KIAA1217: variants seen among roughly 807,000 people sequenced by gnomAD.
KIAA1217 encodes sickle tail protein homolog.
Under a neutral mutation model 163.9 loss-of-function variants are expected in KIAA1217, and 88 were observed. The observed-to-expected ratio is 0.54, with a 90% confidence interval of 0.45 to 0.64. The LOEUF (loss-of-function observed/expected upper bound fraction) is 0.64. Among genes scored for constraint, KIAA1217 ranks in the 30% least tolerant of loss-of-function variants. KIAA1217 has a pLI of 0.00. For missense variants in KIAA1217, 2,372 were observed against 2,475.0 expected, an observed-to-expected ratio of 0.96 and a Z score of 0.88; for synonymous variants, 903 against 923.1, an observed-to-expected ratio of 0.98 and a Z score of 0.39.
chr10:24,215,966 C>T (rs893252808), intron 1 of KIAA1217, among the ~76,000 whole-genome samples: 1 of 152,210 alleles, frequency 6.6e-6, no homozygotes, highest in South Asian at 2.1e-4. Flanking sequence ...GCCTTCTAGC[C>T]TTGCTAGTGG....
intron 2 of KIAA1217, among the ~76,000 whole-genome samples, chr10:24,378,978 C>T (rs1201460547): frequency 1.3e-4 from 20 of 152,144 alleles, no homozygotes; most frequent in Non-Finnish European, 2.9e-4. Context: ...GGATTATTAC[C>T]TTCTGCAATG....
At chr10:24,235,723 G>A (rs970297756) in intron 2 of KIAA1217, among the ~76,000 whole-genome samples, 4 of 152,038 alleles carry the variant, frequency 2.6e-5, no homozygotes, top group African/African-American at 7.2e-5. Flanking sequence ...GCTTCTCCAA[G>A]GCTGCTGCTG....
At chr10:24,156,562 A>T (rs912972186) in intron 2 of KIAA1217, among the ~76,000 whole-genome samples, 1 of 152,044 alleles carries the variant, frequency 6.6e-6, no homozygotes, top group Non-Finnish European at 1.5e-5. Context: ...AGGTAACAAG[A>T]CTCACCTGCC....
chr10:24,395,959 C>T (rs1403607127), intron 3 of KIAA1217, among the ~76,000 whole-genome samples: 1 of 152,188 alleles, frequency 6.6e-6, no homozygotes, highest in Admixed American at 6.5e-5. Flanking sequence ...CAGGCATGAA[C>T]CACCAAGCCC....
chr10:24,025,161 G>A (rs758965963), intron 2 of KIAA1217, among the ~76,000 whole-genome samples: 1 of 151,592 alleles, frequency 6.6e-6, no homozygotes, highest in South Asian at 2.1e-4. Flanking sequence ...TTACATTTAG[G>A]TCTGTAATCA....
intron 2 of KIAA1217, among the ~76,000 whole-genome samples, chr10:24,309,921 T>G (rs888804121): frequency 6.6e-6 from 1 of 152,194 alleles, no homozygotes; most frequent in Non-Finnish European, 1.5e-5. Flanking sequence ...TTATGAGCAG[T>G]GCAATAATTG....
chr10:24,517,544 T>A (rs1386037726), intron 10 of KIAA1217, among the ~76,000 whole-genome samples: 2 of 152,206 alleles, frequency 1.3e-5, no homozygotes, highest in Non-Finnish European at 2.9e-5. Context: ...AACAGTGATA[T>A]CCCTCTTTCC....
At chr10:24,209,891 G>C (rs2130605057) in intron 1 of KIAA1217, among the ~76,000 whole-genome samples, 1 of 152,310 alleles carries the variant, frequency 6.6e-6, no homozygotes, top group East Asian at 1.9e-4. Context: ...CTTTAATTGT[G>C]TTTATAATAG....
At chr10:24,264,492 A>AT (rs1337649037) in intron 2 of KIAA1217, among the ~76,000 whole-genome samples, 1 of 152,188 alleles carries the variant, frequency 6.6e-6, no homozygotes, top group Non-Finnish European at 1.5e-5. Context: ...TTAAAAAAAA[A>AT]GAAGAGGAAA....
rs557709904 is a variant in KIAA1217, at chr10:23,812,355, G to A, written c.-321+117121G>A. Among the ~76,000 whole-genome samples, 4 of 152,252 alleles carry A rather than the reference G, an allele frequency of 2.6e-5. No individual in the cohort carries two copies. In the East Asian group the frequency reaches 7.7e-4, roughly 29 times the overall value. On this transcript the variant is annotated intron_variant, in intron 1 of 18. Transcript: ENST00000376462. ...ATTATTACTTCTAGCATGAGTTAGAGTTAATTCATGTGAATGCCTTAAAAA... is the reference window on the plus strand; with the variant it reads ...ATTATTACTTCTAGCATGAGTTAGAATTAATTCATGTGAATGCCTTAAAAA...
chr10:23,810,858 A>G (rs1208210134), intron 1 of KIAA1217, among the ~76,000 whole-genome samples: 1 of 123,372 alleles, frequency 8.1e-6, no homozygotes, highest in African/African-American at 3.2e-5. Flanking sequence ...TATATTATAT[A>G]GTATATATAC....
intron 2 of KIAA1217, among the ~76,000 whole-genome samples, chr10:24,026,742 A>ATTTTTTTTTTTTTTT: frequency 4.3e-5 from 3 of 70,092 alleles, no homozygotes; most frequent in Non-Finnish European, 8.2e-5. Flanking sequence ...TATTTCATTG[A>ATTTTTTTTTTTTTTT]TTTTTTTTTT....
chr10:23,994,612 T>A (rs1719489854), intron 1 of KIAA1217, among the ~76,000 whole-genome samples: 1 of 152,192 alleles, frequency 6.6e-6, no homozygotes, highest in Non-Finnish European at 1.5e-5. Context: ...GGATTGACCC[T>A]AAGGTTGATG....
intron 2 of KIAA1217, among the ~76,000 whole-genome samples, chr10:24,127,817 ACT>A (rs2063519853): frequency 6.6e-6 from 1 of 152,156 alleles, no homozygotes; most frequent in South Asian, 2.1e-4. Context: ...CACAATACCC[ACT>A]GTTGGAAACT....
At chr10:23,970,788 G>A (rs994285392) in intron 1 of KIAA1217, among the ~76,000 whole-genome samples, 13 of 152,266 alleles carry the variant, frequency 8.5e-5, no homozygotes, top group African/African-American at 3.1e-4. Flanking sequence ...CACTAGTTCA[G>A]GCCATGATAG....
At chr10:24,098,071 G>A (rs979895089) in intron 2 of KIAA1217, among the ~76,000 whole-genome samples, 3 of 152,110 alleles carry the variant, frequency 2.0e-5, no homozygotes, top group African/African-American at 7.2e-5. Flanking sequence ...CCCACAGAAC[G>A]TAAAGCCGTG....
intron 1 of KIAA1217, among the ~76,000 whole-genome samples, chr10:23,702,234 A>G (rs1434266787): frequency 6.6e-6 from 1 of 152,092 alleles, no homozygotes; most frequent in Non-Finnish European, 1.5e-5. Context: ...GGGAGAGAAG[A>G]GAAGTGAACA....
At chr10:24,335,833 A>G (rs181585754) in intron 2 of KIAA1217, among the ~76,000 whole-genome samples, 2 of 151,932 alleles carry the variant, frequency 1.3e-5, no homozygotes, top group East Asian at 3.9e-4. Flanking sequence ...GCTAGTCTCA[A>G]ACTCCTGGGC....
intron 2 of KIAA1217, among the ~76,000 whole-genome samples, chr10:24,326,259 C>T (rs1193152972): frequency 2.0e-5 from 3 of 151,958 alleles, no homozygotes; most frequent in Non-Finnish European, 4.4e-5. Flanking sequence ...ATTGTCTCTC[C>T]TAGAATTGTT....
Sources: allele counts gnomAD v4.1 joint callset (sites outside exome capture counted in the v4.1 genomes callset), GRCh38; gene constraint gnomAD v4.1.1; transcripts MANE v1.5; gene names NCBI Gene and HGNC (gene_info 2026-07-23, HGNC 2026-07-21).